Variants in HTR4 observed in about 807,000 individuals in gnomAD.
HTR4 encodes the protein 5-hydroxytryptamine (serotonin) receptor 4, G protein-coupled.
Under a neutral mutation model 36.8 loss-of-function variants are expected in HTR4, and 16 were observed. The observed-to-expected ratio is 0.43, with a 90% CI of 0.29 to 0.66. HTR4 has a LOEUF of 0.66. Among genes scored for constraint, HTR4 ranks in the 30% least tolerant of loss-of-function variants. HTR4 has a pLI of 0.13. For missense variants in HTR4, 438 were observed against 490.9 expected (o/e 0.89, Z 1.02); for synonymous variants, 189 against 185.1 (o/e 1.02, Z -0.17).
intron 5 of HTR4, among the ~76,000 whole-genome samples, chr5:148,468,733 G>A (rs1029256652): frequency 2.0e-5 from 3 of 152,176 alleles, no homozygotes; most frequent in Non-Finnish European, 4.4e-5. Flanking sequence ...TGATATGGCT[G>A]GCTGTGTCCC....
chr5:148,608,533 T>G (rs1003269831), intron 2 of HTR4, among the ~76,000 whole-genome samples: 1 of 152,144 alleles, frequency 6.6e-6, no homozygotes, highest in Non-Finnish European at 1.5e-5. Flanking sequence ...TAGAAAGTGG[T>G]ATGATACAAT....
intron 6 of HTR4, among the ~76,000 whole-genome samples, chr5:148,499,829 G>C (rs1373754041): frequency 6.6e-6 from 1 of 152,176 alleles, no homozygotes; most frequent in Non-Finnish European, 1.5e-5. Context: ...CACTCTACTA[G>C]TTATTGTGAG....
At chr5:148,474,068 A>T (rs1285427980), downstream of HTR4, among the ~76,000 whole-genome samples, 1 of 152,102 alleles carries the variant, frequency 6.6e-6, no homozygotes, top group African/African-American at 2.4e-5. Flanking sequence ...GACCCTGATA[A>T]GAGTACCCTT....
At chr5:148,517,761 C>T (rs565706673) in intron 5 of HTR4, among the ~76,000 whole-genome samples, 6 of 152,266 alleles carry the variant, frequency 3.9e-5, no homozygotes, top group African/African-American at 1.4e-4. Context: ...CTTCAATAGA[C>T]TCCCTTACAG....
At chr5:148,561,854 A>G (rs1380394487) in intron 2 of HTR4, among the ~76,000 whole-genome samples, 1 of 152,182 alleles carries the variant, frequency 6.6e-6, no homozygotes, top group Non-Finnish European at 1.5e-5. Flanking sequence ...GGAAAAGTGG[A>G]CTTTCCCATA....
In HTR4 at chr5:148,637,004, A is replaced by G; in HGVS notation, c.11T>C (p.Leu4Pro). The G allele has an allele frequency of 6.2e-7, 1 of 1,606,414 alleles. No homozygotes were observed. The highest frequency in any genetic ancestry group is 8.5e-7 in the Non-Finnish European group (1 of 1,173,458). Residue 4 changes from leucine to proline, a missense_variant, in exon 2 of 7, where the codon CTT (leucine) becomes CCT (proline). Transcript: ENST00000377888. MDK[L>P]DANVSSEEGF... is the part of the protein sequence containing the mutation. ...GGTAACATACCTCACATTAGCATCA[A>G]GTTTGTCCATTACAGGAAATAAGCA... is the stretch of plus-strand genomic sequence containing the variant.
chr5:148,484,823 C>T (rs975231638), intron 6 of HTR4, among the ~76,000 whole-genome samples: 3 of 152,176 alleles, frequency 2.0e-5, no homozygotes, highest in Non-Finnish European at 4.4e-5. Context: ...TATGTTCCTT[C>T]CTCCAGATTT....
At chr5:148,455,093 T>C (rs934628964) in intron 5 of HTR4, among the ~76,000 whole-genome samples, 1 of 152,214 alleles carries the variant, frequency 6.6e-6, no homozygotes, top group Non-Finnish European at 1.5e-5. Flanking sequence ...TTTTGGAAGT[T>C]ACATACCTTA....
At chr5:148,498,209 A>C (rs1371282237) in intron 6 of HTR4, among the ~76,000 whole-genome samples, 1 of 152,214 alleles carries the variant, frequency 6.6e-6, no homozygotes, top group Non-Finnish European at 1.5e-5. Flanking sequence ...CTATGATTCT[A>C]AACCATTGAG....
At chr5:148,508,675 A>G (rs755387771) in intron 6 of HTR4, among the ~76,000 whole-genome samples, 5 of 152,080 alleles carry the variant, frequency 3.3e-5, no homozygotes, top group Non-Finnish European at 5.9e-5. Flanking sequence ...CCAATTCTAG[A>G]TTGCCCATAC....
intron 2 of HTR4, among the ~76,000 whole-genome samples, chr5:148,635,752 C>T (rs182966948): frequency 6.6e-6 from 1 of 152,262 alleles, no homozygotes; most frequent in Admixed American, 6.5e-5. Context: ...CTCTGCATTT[C>T]ACTCTGCTTT....
At chr5:148,565,587 A>G (rs964363757) in intron 2 of HTR4, among the ~76,000 whole-genome samples, 3 of 1,562 alleles carry the variant, frequency 1.9e-3, no homozygotes, top group African/African-American at 6.7e-3. Flanking sequence ...AGTATCCAGT[A>G]TCTTGATGGG....
chr5:148,499,119 A>T (rs1756820655), intron 6 of HTR4, among the ~76,000 whole-genome samples: 1 of 152,140 alleles, frequency 6.6e-6, no homozygotes, highest in Non-Finnish European at 1.5e-5. Context: ...GTTGTTTACT[A>T]CTTGTGTGAC....
chr5:148,594,446 T>C (rs925124868), intron 2 of HTR4, among the ~76,000 whole-genome samples: 12 of 151,966 alleles, frequency 7.9e-5, no homozygotes, highest in Non-Finnish European at 1.5e-4. Flanking sequence ...AATAAAATAT[T>C]ATAGCTGAAA....
intron 2 of HTR4, among the ~76,000 whole-genome samples, chr5:148,567,583 C>T (rs1760497532): frequency 6.6e-6 from 1 of 151,964 alleles, no homozygotes; most frequent in Non-Finnish European, 1.5e-5. Flanking sequence ...CGATTTCCAC[C>T]AGTTCTTCTC....
At chr5:148,551,023 C>A (rs186988115) in intron 2 of HTR4, among the ~76,000 whole-genome samples, 1 of 152,126 alleles carries the variant, frequency 6.6e-6, no homozygotes, top group Admixed American at 6.6e-5. Flanking sequence ...GATCAACTTA[C>A]AATGAAGCCT....
chr5:148,566,483 G>A (rs1014676602), intron 2 of HTR4, among the ~76,000 whole-genome samples: 4 of 152,290 alleles, frequency 2.6e-5, no homozygotes, highest in East Asian at 1.9e-4. Flanking sequence ...ATCTGTGGAC[G>A]TGGTGGTGAC....
In HTR4 at chr5:148,483,142, A is replaced by G. The variant is rs201253747; in HGVS notation, c.*61T>C. The stretch of plus-strand genomic sequence containing the variant: ...CCGGGTGCAGTCGCGCACAAGCAGC[A>G]GCTTAGGACCTGGCCCTCTTTCGGA... On this transcript the variant is annotated 3_prime_UTR_variant, in exon 7 of 7. Coordinates refer to ENST00000377888, the MANE Select transcript of HTR4 (RefSeq NM_000870.7). 5,298 of 1,610,532 alleles carry G rather than the reference A, an allele frequency of 3.3e-3. 15 individuals are homozygous for G. The highest frequency in any genetic ancestry group is 4.3e-3 in the Non-Finnish European group (5,011 of 1,177,700).
At chr5:148,605,382 C>T (rs961401155) in intron 2 of HTR4, among the ~76,000 whole-genome samples, 13 of 151,264 alleles carry the variant, frequency 8.6e-5, no homozygotes, top group African/African-American at 2.7e-4. Context: ...CCTCAGTCTC[C>T]CAAGTAGCTG....
Sources: allele counts gnomAD v4.1 joint callset (sites outside exome capture counted in the v4.1 genomes callset), GRCh38; gene constraint gnomAD v4.1.1; transcripts MANE v1.5; gene names NCBI Gene and HGNC (gene_info 2026-07-23, HGNC 2026-07-21).